The following PRCP variants were observed in gnomAD, a reference collection of about 807,000 sequenced individuals.
PRCP encodes the protein lysosomal Pro-X carboxypeptidase.
Under a neutral mutation model 54.2 loss-of-function variants are expected in PRCP, and 46 were observed. The ratio of observed to expected loss-of-function variants is 0.85; its 90% CI spans 0.67 to 1.09. The LOEUF is 1.09. Ranked by LOEUF, PRCP falls within the 50% of genes least tolerant of loss-of-function variation. The pLI is 0.00. For missense variants in PRCP, 613 were observed against 596.8 expected (o/e 1.03, Z -0.28); for synonymous variants, 240 against 212.2 (o/e 1.13, Z -1.14).
At chr11:82,891,035 T>C (rs1331582399) in intron 1 of PRCP, among the ~76,000 whole-genome samples, 1 of 152,230 alleles carries the variant, frequency 6.6e-6, no homozygotes, top group Non-Finnish European at 1.5e-5. Context: ...ATACCATCTG[T>C]ATACTAACAG....
chr11:82,837,936 G>A (rs1173223264), intron 8 of PRCP, among the ~76,000 whole-genome samples: 1 of 152,186 alleles, frequency 6.6e-6, no homozygotes, highest in East Asian at 1.9e-4. Context: ...AGTAAAAAAG[G>A]GGCTATAAAA....
chr11:82,865,596 T>C (rs1334266957), intron 1 of PRCP, among the ~76,000 whole-genome samples: 6 of 152,130 alleles, frequency 3.9e-5, no homozygotes, highest in Admixed American at 3.9e-4. Context: ...TTACTAAAGA[T>C]ACAAAAAGTA....
intron 8 of PRCP, among the ~76,000 whole-genome samples, chr11:82,836,711 C>A (rs1198252511): frequency 6.6e-6 from 1 of 152,082 alleles, no homozygotes; most frequent in Admixed American, 6.5e-5. Flanking sequence ...ACCATGCCAA[C>A]TAATTTTTAT....
intron 2 of PRCP, among the ~76,000 whole-genome samples, chr11:82,859,011 C>T (rs1032388756): frequency 1.3e-4 from 20 of 152,154 alleles, no homozygotes; most frequent in Non-Finnish European, 2.5e-4. Context: ...GTTAAACAAA[C>T]ATTTACTGAG....
intron 1 of PRCP, among the ~76,000 whole-genome samples, chr11:82,879,950 G>A (rs570761055): frequency 1.0e-3 from 159 of 152,312 alleles, no homozygotes; most frequent in African/African-American, 3.6e-3. Flanking sequence ...ACCCTTACTG[G>A]GAAGTGTCTC....
chr11:82,872,810 C>A (rs1029747558), intron 1 of PRCP, among the ~76,000 whole-genome samples: 1 of 152,126 alleles, frequency 6.6e-6, no homozygotes. Context: ...TACAGAAGGC[C>A]TCTCTATGGA....
intron 1 of PRCP, among the ~76,000 whole-genome samples, chr11:82,876,761 C>A (rs936077478): frequency 6.6e-6 from 1 of 152,288 alleles, no homozygotes; most frequent in Admixed American, 6.5e-5. Context: ...TCTTTTTCTT[C>A]CCAGTCCCGG....
At chr11:82,869,230 C>T (rs1859418475) in intron 1 of PRCP, among the ~76,000 whole-genome samples, 1 of 151,570 alleles carries the variant, frequency 6.6e-6, no homozygotes, top group African/African-American at 2.4e-5. Flanking sequence ...GTGGTACATG[C>T]CTATAGTCCT....
Position 82,839,422 on chromosome 11 carries a change from C to G in PRCP, c.925G>C (p.Val309Leu). The change falls in exon 7 of 9, where the codon GTG becomes CTG. Residue 309 changes from valine to leucine, a missense_variant. Coordinates refer to ENST00000313010, the MANE Select transcript of PRCP (RefSeq NM_005040.4). ...QPLPAWPIKV[V>L]CQYLKNPNVS... ...TTGGGATTTTTCAAATACTGGCACA[C>G]TACCTGTCATTTTAGAAAGATAAAT... 1 of 1,608,914 alleles carries G rather than the reference C, an allele frequency of 6.2e-7. No individual in the cohort carries two copies.
chr11:82,864,016 G>A (rs1859273263), intron 1 of PRCP, among the ~76,000 whole-genome samples: 1 of 152,190 alleles, frequency 6.6e-6, no homozygotes, highest in African/African-American at 2.4e-5. Flanking sequence ...ACAATTCAAA[G>A]GATTTCTGTG....
intron 6 of PRCP, chr11:82,843,376 T>C (rs1440284431): frequency 1.3e-5 from 2 of 151,780 alleles, no homozygotes; most frequent in Non-Finnish European, 2.9e-5. Flanking sequence ...AACTGTAGGA[T>C]GCATAAAATA....
chr11:82,837,167 C>A, intron 8 of PRCP: 1 of 212,280 alleles, frequency 4.7e-6, no homozygotes. Flanking sequence ...TGTTCTGTTG[C>A]CAGTATCAAC....
intron 1 of PRCP, among the ~76,000 whole-genome samples, chr11:82,879,348 G>A (rs965515457): frequency 2.6e-5 from 4 of 152,106 alleles, no homozygotes; most frequent in East Asian, 1.9e-4. Flanking sequence ...CATGCATCAC[G>A]TAGTTCTCGT....
At chr11:82,860,250 T>A in intron 1 of PRCP, 133 bp from the exon 2 acceptor site, 3 of 502,794 alleles carry the variant, frequency 6.0e-6, no homozygotes, top group Non-Finnish European at 9.3e-6. Context: ...AACTTCACTG[T>A]TTTATTATTA....
chr11:82,857,954 C>T (rs897615016), intron 2 of PRCP, among the ~76,000 whole-genome samples: 4 of 152,050 alleles, frequency 2.6e-5, no homozygotes, highest in African/African-American at 9.7e-5. Flanking sequence ...GGTACTGTGC[C>T]GCAAAATTTG....
intron 1 of PRCP, among the ~76,000 whole-genome samples, chr11:82,889,894 T>C (rs551431600): frequency 1.3e-5 from 2 of 152,256 alleles, no homozygotes; most frequent in South Asian, 4.1e-4. Context: ...TGACAACCCA[T>C]GGGAGCTGTA....
At chr11:82,865,298 C>T (rs767081997) in intron 1 of PRCP, among the ~76,000 whole-genome samples, 78 of 152,154 alleles carry the variant, frequency 5.1e-4, no homozygotes, top group Non-Finnish European at 8.7e-4. Context: ...TAAACTTCAA[C>T]CCTCGGTAGG....
chr11:82,854,806 A>G (rs1367004627), intron 2 of PRCP, among the ~76,000 whole-genome samples: 1 of 152,236 alleles, frequency 6.6e-6, no homozygotes, highest in Non-Finnish European at 1.5e-5. Flanking sequence ...AACATCAGGT[A>G]CTGGTACAAA....
At chr11:82,845,284 G>A (rs779985105) in intron 6 of PRCP, among the ~76,000 whole-genome samples, 1 of 151,996 alleles carries the variant, frequency 6.6e-6, no homozygotes, top group Non-Finnish European at 1.5e-5. Flanking sequence ...ATAATGATTT[G>A]TTTAAAAGTT....
Sources: allele counts gnomAD v4.1 joint callset (sites outside exome capture counted in the v4.1 genomes callset), GRCh38; gene constraint gnomAD v4.1.1; transcripts MANE v1.5; gene names NCBI Gene and HGNC (gene_info 2026-07-23, HGNC 2026-07-21).